Variants in NID2 observed in about 807,000 individuals in gnomAD.
NID2 encodes nidogen-2.
Under a neutral mutation model 145.4 loss-of-function variants are expected in NID2, and 83 were observed. The ratio of observed to expected loss-of-function variants is 0.57; its 90% CI spans 0.48 to 0.69. The LOEUF is 0.69. Among genes scored for constraint, NID2 ranks in the 30% least tolerant of loss-of-function variants. NID2 has a pLI of 0.00. For missense variants in NID2, 1,807 were observed against 1,765.7 expected, an observed-to-expected ratio of 1.02 and a Z score of -0.42; for synonymous variants, 739 against 701.3, an observed-to-expected ratio of 1.05 and a Z score of -0.85.
chr14:52,019,760 A>T (rs1250591734), intron 13 of NID2, among the ~76,000 whole-genome samples: 1 of 152,142 alleles, frequency 6.6e-6, no homozygotes, highest in Non-Finnish European at 1.5e-5. Context: ...AATAAGCTTG[A>T]TCTCAACACT....
rs750940299 is a variant in NID2, at chr14:52,019,269, A to G, written c.2820T>C (p.Cys940=). ...CCTGGGCATGGCGCTGCTGTTGTTCACAGGGTGTCAGGCTTGAGGTGGAGT... is the reference window on the plus strand; with the variant it reads ...CCTGGGCATGGCGCTGCTGTTGTTCGCAGGGTGTCAGGCTTGAGGTGGAGT... ...IPDSTSSLTP[C]EQQQRHAQAQ... is the part of the protein sequence containing the mutation. The change falls in exon 14 of 22, where the codon TGT becomes TGC. Residue 940 remains cysteine (C), a synonymous_variant. Coordinates refer to ENST00000216286, the MANE Select transcript of NID2 (RefSeq NM_007361.4). The G allele has an allele frequency of 1.3e-5, 20 of 1,597,390 alleles. No individual in the cohort carries two copies. The Admixed American group carries it at 3.4e-4, about 27-fold the overall frequency.
intron 5 of NID2, 146 bp downstream of exon 5, chr14:52,053,433 C>G: frequency 1.1e-6 from 1 of 884,476 alleles, no homozygotes; most frequent in South Asian, 1.8e-5. Flanking sequence ...TTTACTCTAT[C>G]TCTTGAAACA....
rs577446220 is a variant in NID2, at chr14:52,065,002, C to A, written c.534+2856G>T. The stretch of plus-strand genomic sequence containing the variant: ...TCCCATCAATAAGTATTTCAAAGGT[C>A]TACACCATAACTTTTTTGCTCTGTG... On this transcript the variant is annotated intron_variant, in intron 2 of 21. Transcript: ENST00000216286. 6.6e-5 allele frequency among the ~76,000 whole-genome samples: 10 copies of A among 152,306 alleles called. No homozygotes were observed. In the East Asian group the frequency reaches 1.7e-3, roughly 26 times the overall value.
At chr14:52,035,773 G>C (rs1892039014) in intron 9 of NID2, among the ~76,000 whole-genome samples, 1 of 150,544 alleles carries the variant, frequency 6.6e-6, no homozygotes, top group African/African-American at 2.4e-5. Context: ...CCGCCTCCTG[G>C]GTTCAATCAG....
chr14:52,027,365 G>T, intron 11 of NID2, 21 bp from the exon 12 acceptor site: 1 of 1,507,624 alleles, frequency 6.6e-7, no homozygotes. Context: ...AAGAAGATAA[G>T]GGCATCCAGA....
chr14:52,038,380 C>G (rs1892149461), intron 9 of NID2, among the ~76,000 whole-genome samples: 1 of 152,196 alleles, frequency 6.6e-6, no homozygotes, highest in African/African-American at 2.4e-5. Context: ...AATCTTCAAA[C>G]TAGACTCACA....
chr14:52,005,853 G>C lies in NID2; in HGVS notation c.4005-4C>G, dbSNP rs1287082827. Reference sequence around the variant, plus strand: ...ATTTACTGATACAACACCATCCCTGGTAACAGAAAGGAAGAGTGAATTCAG... The same window carrying C: ...ATTTACTGATACAACACCATCCCTGCTAACAGAAAGGAAGAGTGAATTCAG... On this transcript the variant is annotated splice_region_variant and splice_polypyrimidine_tract_variant and intron_variant, in intron 20 of 21. Transcript: ENST00000216286. 1.3e-6 allele frequency: 2 copies of C among 1,588,570 alleles called. No homozygotes were observed. The highest frequency in any genetic ancestry group is 1.7e-6 in the Non-Finnish European group (2 of 1,157,022).
chr14:52,048,244 G>A lies in NID2; in HGVS notation c.1430-5313C>T, dbSNP rs146963095. 8.2e-4 allele frequency among the ~76,000 whole-genome samples: 125 copies of A among 152,302 alleles called. 4 individuals are homozygous for A. In the East Asian group the frequency reaches 0.02, roughly 25 times the overall value. On this transcript the variant is annotated intron_variant, in intron 5 of 21. Coordinates refer to ENST00000216286, the MANE Select transcript of NID2 (RefSeq NM_007361.4). ...GGGCATCCATCCACAAGAATACAAC[G>A]TGAAGATTCTTTAGTGAAAGTAATA...
At chr14:52,057,576 G>A (rs1353130806) in intron 3 of NID2, among the ~76,000 whole-genome samples, 4 of 151,334 alleles carry the variant, frequency 2.6e-5, no homozygotes, top group South Asian at 2.1e-4. Context: ...GGTGGTGGGC[G>A]CCTGTAATCC....
At chr14:52,012,330 A>C (rs1330286382) in intron 16 of NID2, among the ~76,000 whole-genome samples, 1 of 152,212 alleles carries the variant, frequency 6.6e-6, no homozygotes, top group Non-Finnish European at 1.5e-5. Flanking sequence ...GTAGTCAGGC[A>C]CAGTGACTCA....
At chr14:52,048,035 G>T (rs946989840) in intron 5 of NID2, among the ~76,000 whole-genome samples, 10 of 152,168 alleles carry the variant, frequency 6.6e-5, no homozygotes, top group Admixed American at 2.0e-4. Context: ...CACACCAATT[G>T]GTGTTGATAG....
At chr14:52,043,148 G>C (rs529112765) in intron 5 of NID2, among the ~76,000 whole-genome samples, 2 of 152,326 alleles carry the variant, frequency 1.3e-5, no homozygotes, top group African/African-American at 4.8e-5. Context: ...TCCCATTGCA[G>C]AGTTGGTGAA....
intron 16 of NID2, 121 bp downstream of exon 16, chr14:52,014,166 C>G: frequency 7.7e-7 from 1 of 1,295,460 alleles, no homozygotes; most frequent in Non-Finnish European, 1.1e-6. Context: ...CGATGGGCTG[C>G]AGCTCAGAAA....
chr14:52,060,283 C>A lies in NID2; in HGVS notation c.608G>T (p.Gly203Val), dbSNP rs1472281383. ...SYALFLYPAN[G>V]LQFLGTRPKE... is the part of the protein sequence containing the mutation. ...GGGGCGGGTTCCAAGGAACTGCAGG[C>A]CGTTGGCAGGATAAAGAAAGAGGGC... The change falls in exon 3 of 22, where the codon GGC becomes GTC. Residue 203 changes from glycine to valine, a missense_variant. Transcript: ENST00000216286. The A allele has an allele frequency of 1.9e-6, 3 of 1,612,588 alleles. No homozygotes were observed. Among genetic ancestry groups the A allele is most frequent in the Non-Finnish European group, 2.5e-6 (3 of 1,179,776 alleles).
chr14:52,014,977 A>C (rs1891165061), intron 15 of NID2, 77 bp downstream of exon 15: 2 of 1,214,456 alleles, frequency 1.6e-6, no homozygotes, highest in South Asian at 2.6e-5. Flanking sequence ...ATGTCCCCCC[A>C]CTTCACCACA....
At chr14:52,037,357 A>T (rs1311917640) in intron 9 of NID2, among the ~76,000 whole-genome samples, 1 of 152,094 alleles carries the variant, frequency 6.6e-6, no homozygotes, top group Admixed American at 6.5e-5. Flanking sequence ...GGTTTGTTAC[A>T]TATGTGTACA....
Position 52,014,301 on chromosome 14 carries a change from G to A in NID2, c.3406C>T (p.Leu1136=). The change falls in exon 16 of 22, where the codon CTG becomes TTG. Residue 1136 remains leucine, a synonymous_variant. Transcript: ENST00000216286. ...ATCCACTTTACATGCAGAGACAGCA[G>A]GGTCTTAGCTGCATCCTTCTGAAGC... ...TRLQKDAAKT[L]LSLHGSIIVG... is the part of the protein sequence containing the mutation. 1.2e-6 allele frequency: 2 copies of A among 1,614,244 alleles called. No individual in the cohort carries two copies.
At chr14:52,013,094 A>T (rs186492335) in intron 16 of NID2, among the ~76,000 whole-genome samples, 1 of 152,366 alleles carries the variant, frequency 6.6e-6, no homozygotes, top group Admixed American at 6.5e-5. Context: ...AGCTTCCATT[A>T]ACCCGGGAAT....
At chr14:52,046,281 C>A (rs1055062166) in intron 5 of NID2, among the ~76,000 whole-genome samples, 7 of 146,030 alleles carry the variant, frequency 4.8e-5, no homozygotes, top group African/African-American at 1.8e-4. Flanking sequence ...CGAGATCGCA[C>A]CACTGCACTC....
Sources: allele counts gnomAD v4.1 joint callset (sites outside exome capture counted in the v4.1 genomes callset), GRCh38; gene constraint gnomAD v4.1.1; transcripts MANE v1.5; gene names NCBI Gene and HGNC (gene_info 2026-07-23, HGNC 2026-07-21).